SUCLA2: variants seen among roughly 807,000 people sequenced by gnomAD.
The protein encoded by SUCLA2 is succinate--CoA ligase [ADP-forming] subunit beta, mitochondrial.
Under a neutral mutation model 54.8 loss-of-function variants are expected in SUCLA2, and 30 were observed. The ratio of observed to expected loss-of-function variants is 0.55; its 90% CI spans 0.41 to 0.74. The LOEUF is 0.74. Among genes scored for constraint, SUCLA2 ranks in the 30% least tolerant of loss-of-function variants. The pLI is 0.00. For missense variants in SUCLA2, 476 were observed against 562.9 expected (o/e 0.85, Z 1.56); for synonymous variants, 172 against 188.9 (o/e 0.91, Z 0.74).
intron 5 of SUCLA2, among the ~76,000 whole-genome samples, chr13:47,972,653 A>G (rs1174089417): frequency 7.2e-6 from 1 of 138,262 alleles, no homozygotes; most frequent in African/African-American, 2.7e-5. Context: ...TGGGTGACGG[A>G]GCAAGACTCC....
At chr13:47,945,774 G>C (rs985604083) in intron 10 of SUCLA2, 1 of 151,880 alleles carries the variant, frequency 6.6e-6, no homozygotes, top group African/African-American at 2.4e-5. Flanking sequence ...AGAAATTCCA[G>C]AAATAAAAAA....
intron 4 of SUCLA2, among the ~76,000 whole-genome samples, chr13:47,983,117 TA>T (rs545374173): frequency 1.3e-4 from 19 of 148,820 alleles, no homozygotes; most frequent in East Asian, 3.9e-4. Context: ...CCTTTCAATA[TA>T]AAAAAAAAAC....
At chr13:47,966,140 C>A (rs1320720851) in intron 6 of SUCLA2, among the ~76,000 whole-genome samples, 1 of 152,122 alleles carries the variant, frequency 6.6e-6, no homozygotes, top group East Asian at 1.9e-4. Flanking sequence ...TATTTTTATA[C>A]ACACAAATGC....
chr13:47,996,834 A>C lies in SUCLA2; in HGVS notation c.271+9T>G. On this transcript the variant is annotated intron_variant, in intron 2 of 10. Transcript: ENST00000646932. ...GTCAAGGTGGCAAAAGCTTTTCTTAATTTAGTACCTAATTTTTTGGCAATT... is the reference window on the plus strand; with the variant it reads ...GTCAAGGTGGCAAAAGCTTTTCTTACTTTAGTACCTAATTTTTTGGCAATT... 1 of 1,612,630 alleles carries C rather than the reference A, an allele frequency of 6.2e-7. No individual in the cohort carries two copies.
At chr13:47,994,674 T>G (rs1950177303) in intron 2 of SUCLA2, 1 of 219,070 alleles carries the variant, frequency 4.6e-6, no homozygotes, top group South Asian at 1.6e-4. Flanking sequence ...AGATTTAAAT[T>G]TCCTTGTTAA....
intron 6 of SUCLA2, among the ~76,000 whole-genome samples, chr13:47,957,071 T>C (rs1949827047): frequency 6.6e-6 from 1 of 152,210 alleles, no homozygotes; most frequent in East Asian, 1.9e-4. Context: ...GTCAAAGAAC[T>C]GAAACTCACC....
chr13:47,950,035 C>T (rs1028050645), intron 8 of SUCLA2, among the ~76,000 whole-genome samples: 4 of 152,206 alleles, frequency 2.6e-5, no homozygotes, highest in African/African-American at 7.2e-5. Context: ...AAGAGTAACA[C>T]CATCCTGAAG....
chr13:47,983,448 T>C (rs1020529816), intron 4 of SUCLA2, among the ~76,000 whole-genome samples: 1 of 151,482 alleles, frequency 6.6e-6, no homozygotes, highest in African/African-American at 2.4e-5. Context: ...GACCAACAAA[T>C]CTTTAAAATA....
chr13:47,988,994 C>G lies in SUCLA2; in HGVS notation c.272-13G>C, dbSNP rs367890526. On this transcript the variant is annotated splice_polypyrimidine_tract_variant and intron_variant, in intron 2 of 10. Transcript: ENST00000646932. ...ACATCTTTTGAACCTAGAAGAAAAACACTTCTATTAAATATGAAGCATGGA... is the reference window on the plus strand; with the variant it reads ...ACATCTTTTGAACCTAGAAGAAAAAGACTTCTATTAAATATGAAGCATGGA... 280 of 1,608,870 alleles carry G rather than the reference C, an allele frequency of 1.7e-4. No homozygotes were observed. Among genetic ancestry groups the G allele is most frequent in the Middle Eastern group, 1.3e-3 (8 of 6,022 alleles).
In SUCLA2 at chr13:47,943,342, C is replaced by T; in HGVS notation, c.*29G>A. The T allele has an allele frequency of 6.2e-7, 1 of 1,600,970 alleles. No homozygotes were observed. The highest frequency in any genetic ancestry group is 2.2e-5 in the East Asian group (1 of 44,752). On this transcript the variant is annotated 3_prime_UTR_variant, in exon 11 of 11. Transcript: ENST00000646932. ...TTCTTAATGATTATAGCACATTTAACACCTTCAGCCATCCACTGGGTTTTC... is the reference window on the plus strand; with the variant it reads ...TTCTTAATGATTATAGCACATTTAATACCTTCAGCCATCCACTGGGTTTTC...
At chr13:47,980,833 C>T (rs1271366023) in intron 4 of SUCLA2, among the ~76,000 whole-genome samples, 1 of 152,106 alleles carries the variant, frequency 6.6e-6, no homozygotes, top group Non-Finnish European at 1.5e-5. Context: ...GAAAGCTACA[C>T]AAGAGGGCAA....
chr13:47,992,377 C>A (rs1555259818), intron 2 of SUCLA2, among the ~76,000 whole-genome samples: 1 of 92,088 alleles, frequency 1.1e-5, no homozygotes. Flanking sequence ...AAAAGCCCTT[C>A]ACAACGAAAG....
chr13:47,970,459 T>C (rs1447305781), intron 5 of SUCLA2, among the ~76,000 whole-genome samples: 3 of 152,216 alleles, frequency 2.0e-5, no homozygotes, highest in African/African-American at 7.2e-5. Context: ...AACTACCTAA[T>C]AAATCAAATC....
chr13:47,993,671 T>C (rs1950167864), intron 2 of SUCLA2, among the ~76,000 whole-genome samples: 1 of 152,132 alleles, frequency 6.6e-6, no homozygotes, highest in African/African-American at 2.4e-5. Context: ...GAAGAAACAA[T>C]AGTTTGGCAC....
At chr13:47,970,487 TATA>T (rs1329116882) in intron 5 of SUCLA2, among the ~76,000 whole-genome samples, 1 of 152,220 alleles carries the variant, frequency 6.6e-6, no homozygotes, top group African/African-American at 2.4e-5. Context: ...TTTAAACATT[TATA>T]TCATTCATTT....
At chr13:47,965,707 T>C (rs1401808727) in intron 6 of SUCLA2, 1 of 397,928 alleles carries the variant, frequency 2.5e-6, no homozygotes, top group Non-Finnish European at 4.4e-6. Context: ...TATTATGAAT[T>C]AGATAATATT....
chr13:47,955,038 G>GA (rs1412015164), intron 6 of SUCLA2, among the ~76,000 whole-genome samples: 12 of 149,990 alleles, frequency 8.0e-5, no homozygotes, highest in Non-Finnish European at 8.9e-5. Context: ...TTAATAAAAA[G>GA]AAAAAAAAAT....
At chr13:47,955,185 T>C (rs189691158) in intron 6 of SUCLA2, among the ~76,000 whole-genome samples, 1 of 152,144 alleles carries the variant, frequency 6.6e-6, no homozygotes, top group Non-Finnish European at 1.5e-5. Flanking sequence ...TATGGCCAGA[T>C]TCGGCCTGTG....
Position 47,996,914 on chromosome 13 carries a change from G to A in SUCLA2, c.200C>T (p.Ala67Val), listed in dbSNP as rs1950196102. 6.2e-7 allele frequency: 1 copy of A among 1,613,882 alleles called. No homozygotes were observed. Among genetic ancestry groups the A allele is most frequent in the Admixed American group, 1.7e-5 (1 of 59,988 alleles). ...EYMSMELLQE[A>V]GVSVPKGYVA... is the part of the protein sequence containing the mutation. Reference sequence around the variant, plus strand: ...ATATCCTTTGGGAACGGAGACACCAGCTTCTTGCAATAATTCCATACTCAT... The same window carrying A: ...ATATCCTTTGGGAACGGAGACACCAACTTCTTGCAATAATTCCATACTCAT... Residue 67 changes from alanine (A) to valine (V), a missense_variant, in exon 2 of 11, where the codon GCT (alanine) becomes GTT (valine). By Grantham distance (64) the Ala-to-Val change is moderately conservative. Coordinates refer to ENST00000646932, the MANE Select transcript of SUCLA2 (RefSeq NM_003850.3).
Sources: gnomAD v4.1 joint callset for allele counts (sites outside exome capture counted in the v4.1 genomes callset) on GRCh38, gnomAD v4.1.1 for gene constraint, MANE v1.5 for transcripts, NCBI Gene and HGNC (gene_info 2026-07-23, HGNC 2026-07-21) for gene names.